PI4K2A: variants seen among roughly 807,000 people sequenced by gnomAD.
The protein encoded by PI4K2A is phosphatidylinositol 4-kinase type 2-alpha.
Under a neutral mutation model 55.0 loss-of-function variants are expected in PI4K2A, and 20 were observed. The observed-to-expected ratio is 0.36, with a 90% CI of 0.26 to 0.53. The LOEUF (loss-of-function observed/expected upper bound fraction) is 0.53. Among genes scored for constraint, PI4K2A ranks in the 20% least tolerant of loss-of-function variants. The pLI is 0.91. For missense variants in PI4K2A, 463 were observed against 637.1 expected (o/e 0.73, Z 2.94); for synonymous variants, 235 against 258.5 (o/e 0.91, Z 0.87).
rs529333802 is a variant in PI4K2A, at chr10:97,661,907, C to T, written c.923-1000C>T. ...TCACTCTGTTGCCCATGCTAGAGTACAGTGGTATGATCATAGCTCATTGCA... is the reference window on the plus strand; with the variant it reads ...TCACTCTGTTGCCCATGCTAGAGTATAGTGGTATGATCATAGCTCATTGCA... On this transcript the variant is annotated intron_variant, in intron 4 of 8. Coordinates refer to ENST00000370631, the Ensembl canonical transcript of PI4K2A. Among the ~76,000 whole-genome samples, 11 of 146,164 alleles carry T rather than the reference C, an allele frequency of 7.5e-5. No homozygotes were observed. In the South Asian group the frequency reaches 2.4e-3, roughly 31 times the overall value.
At chr10:97,641,435 G>A (rs1469662493) in intron 1 of PI4K2A, among the ~76,000 whole-genome samples, 1 of 152,164 alleles carries the variant, frequency 6.6e-6, no homozygotes, top group Non-Finnish European at 1.5e-5. Flanking sequence ...GGGGCTCAGC[G>A]GTGTGGTGGG....
At chr10:97,655,540 T>G (rs1217057325) in intron 2 of PI4K2A, among the ~76,000 whole-genome samples, 2 of 152,046 alleles carry the variant, frequency 1.3e-5, no homozygotes, top group Admixed American at 1.3e-4. Flanking sequence ...CCCTTAAATC[T>G]AAGTGGTTTA....
exon 9 of PI4K2A, chr10:97,675,973 A>G (rs1046249): frequency 0.47 from 72,248 of 152,510 alleles, 18,246 homozygotes; most frequent in African/African-American, 0.66. Flanking sequence ...CCCCTGTGTC[A>G]TTCTTCTAAT....
At chr10:97,645,753 C>G (rs547967252) in intron 1 of PI4K2A, among the ~76,000 whole-genome samples, 2 of 151,720 alleles carry the variant, frequency 1.3e-5, no homozygotes, top group East Asian at 3.9e-4. Context: ...GTTTCTCACC[C>G]TGTCGCCCAG....
Position 97,656,486 on chromosome 10 carries a change from A to C in PI4K2A, c.768+70A>C. 6.8e-7 allele frequency: 1 copy of C among 1,471,708 alleles called. No individual in the cohort carries two copies. Among genetic ancestry groups the C allele is most frequent in the East Asian group, 2.3e-5 (1 of 43,822 alleles). The allele number at this position is 1,471,708 out of a possible 1,614,324, so 91.2% of individuals were successfully genotyped here. A position where few individuals can be genotyped will look rare whatever the true frequency, so the allele number is the denominator to read the frequency against. On this transcript the variant is annotated intron_variant, in intron 3 of 8. Coordinates refer to ENST00000370631, the Ensembl canonical transcript of PI4K2A. This position sits in a 1 kb window ranked among gnomAD's most constrained non-coding sequence, Gnocchi z 4.5. ...ACATAGTCATCCAAGTGGTGAAGCA[A>C]GGTGCCTACAACTCAAATATGGGCA...
At chr10:97,654,315 C>T (rs1369621822) in intron 2 of PI4K2A, among the ~76,000 whole-genome samples, 1 of 152,116 alleles carries the variant, frequency 6.6e-6, no homozygotes, top group Non-Finnish European at 1.5e-5. Context: ...CTTAGGAAAG[C>T]TCTTTTTCCT....
Position 97,656,801 on chromosome 10 carries a change from T to A in PI4K2A, c.769-20T>A. ...TTTGGGCAGTAGGGAAAAACCTTTGTTCCTTCCTCTTGGTTCCAGGTTGGT... is the reference window on the plus strand; with the variant it reads ...TTTGGGCAGTAGGGAAAAACCTTTGATCCTTCCTCTTGGTTCCAGGTTGGT... On this transcript the variant is annotated intron_variant, in intron 3 of 8. Transcript: ENST00000370631. The surrounding 1 kb of genome is among the most constrained non-coding windows in gnomAD (Gnocchi z 4.5). 6.2e-7 allele frequency: 1 copy of A among 1,613,354 alleles called. No homozygotes were observed. Among genetic ancestry groups the A allele is most frequent in the Non-Finnish European group, 8.5e-7 (1 of 1,179,296 alleles).
chr10:97,666,267 C>T (rs1314267862), intron 6 of PI4K2A, among the ~76,000 whole-genome samples, 171 bp from the exon 7 acceptor site: 4 of 152,192 alleles, frequency 2.6e-5, no homozygotes, highest in Non-Finnish European at 4.4e-5. Flanking sequence ...CCTGGTTCCT[C>T]TACTGACTAG....
chr10:97,673,632 G>C, exon 9 of PI4K2A: 1 of 1,614,010 alleles, frequency 6.2e-7, no homozygotes. Context: ...CCTGCACCTC[G>C]TCCAGATGCC....
At chr10:97,673,815 GC>G in exon 9 of PI4K2A, 1 of 1,428,502 alleles carries the variant, frequency 7.0e-7, no homozygotes, top group Non-Finnish European at 9.7e-7. Flanking sequence ...TGCAGGAAAA[GC>G]CAGAGAAGCC....
exon 1 of PI4K2A, chr10:97,641,042 G>T: frequency 6.3e-7 from 1 of 1,599,106 alleles, no homozygotes. Context: ...CCCACCGCGA[G>T]CGGAACGAGT....
intron 2 of PI4K2A, among the ~76,000 whole-genome samples, chr10:97,651,694 A>G (rs1314258538): frequency 2.0e-5 from 3 of 152,204 alleles, no homozygotes; most frequent in East Asian, 1.9e-4. Flanking sequence ...TGCCAGATCT[A>G]GGCAAACTCA....
chr10:97,660,144 G>A (rs1200547478), intron 4 of PI4K2A, among the ~76,000 whole-genome samples: 1 of 150,874 alleles, frequency 6.6e-6, no homozygotes, highest in Non-Finnish European at 1.5e-5. Context: ...TGGGACTACA[G>A]GCGCCTGCTA....
At chr10:97,649,019 T>C (rs1295944096) in intron 1 of PI4K2A, among the ~76,000 whole-genome samples, 1 of 152,220 alleles carries the variant, frequency 6.6e-6, no homozygotes, top group African/African-American at 2.4e-5. Flanking sequence ...AGGAGCTGGC[T>C]TCAAGATCGA....
intron 2 of PI4K2A, among the ~76,000 whole-genome samples, chr10:97,651,937 A>G (rs954524361): frequency 1.3e-5 from 2 of 152,134 alleles, no homozygotes; most frequent in African/African-American, 4.8e-5. Context: ...CGGACACATC[A>G]TTCACTGAGT....
chr10:97,642,949 T>C (rs976286908), intron 1 of PI4K2A, among the ~76,000 whole-genome samples: 1 of 148,322 alleles, frequency 6.7e-6, no homozygotes, highest in African/African-American at 2.6e-5. Flanking sequence ...TTTCTTTCTC[T>C]TTCTTTCTTT....
intron 8 of PI4K2A, among the ~76,000 whole-genome samples, chr10:97,668,447 G>A (rs372958951): frequency 6.6e-5 from 10 of 152,166 alleles, no homozygotes; most frequent in Non-Finnish European, 1.5e-4. Context: ...GTGTGGTGGC[G>A]CACGCCTGTA....
chr10:97,655,747 G>A (rs545610532), intron 2 of PI4K2A, among the ~76,000 whole-genome samples: 66 of 152,056 alleles, frequency 4.3e-4, no homozygotes, highest in African/African-American at 1.5e-3. Flanking sequence ...GCTAATTTTT[G>A]TATTTTTAGT....
intron 2 of PI4K2A, 50 bp downstream of exon 2, chr10:97,651,191 G>A (rs1399998399): frequency 6.9e-7 from 1 of 1,443,196 alleles, no homozygotes; most frequent in South Asian, 1.1e-5. Flanking sequence ...CAGTTTTCCT[G>A]GGGCCTAAGC....
Sources: gnomAD v4.1 joint callset for allele counts (sites outside exome capture counted in the v4.1 genomes callset) on GRCh38, gnomAD v4.1.1 for gene constraint, Gnocchi (gnomAD v3.1) non-coding constraint, MANE v1.5 for transcripts, NCBI Gene and HGNC (gene_info 2026-07-23, HGNC 2026-07-21) for gene names.